Variants in CCDC50 observed in about 807,000 individuals in gnomAD.
CCDC50 encodes the protein coiled-coil domain-containing protein 50.
Under a neutral mutation model 70.2 loss-of-function variants are expected in CCDC50, and 54 were observed. The ratio of observed to expected loss-of-function variants is 0.77; its 90% CI spans 0.62 to 0.96. The LOEUF is 0.96. CCDC50 is among the 50% of genes least tolerant of loss of function. CCDC50 has a pLI of 0.00. For missense variants in CCDC50, 558 were observed against 578.7 expected, an observed-to-expected ratio of 0.96 and a Z score of 0.37; for synonymous variants, 216 against 198.8, an observed-to-expected ratio of 1.09 and a Z score of -0.73.
chr3:191,369,920 A>G lies in CCDC50; in HGVS notation c.332A>G (p.Asp111Gly), dbSNP rs767862672. 1.2e-6 allele frequency: 2 copies of G among 1,607,192 alleles called. No homozygotes were observed. Among genetic ancestry groups the G allele is most frequent in the Non-Finnish European group, 1.7e-6 (2 of 1,174,178 alleles). ...RRRIQEKKDEDIARLLQEKEL... is the reference protein window; with the variant it reads ...RRRIQEKKDEGIARLLQEKEL... ...TCCATTCTCCTCTTGTCTTTGCAGG[A>G]CATAGCTCGCCTTTTGCAAGAAAAG... The change falls in exon 5 of 12, where the codon GAC (aspartate) becomes GGC (glycine). Residue 111 changes from aspartate to glycine, a missense_variant and splice_region_variant. Physicochemically the swap from Asp to Gly is moderately conservative, Grantham distance 94 (BLOSUM62 -1). Transcript: ENST00000392455.
Position 191,389,661 on chromosome 3 carries a change from TGTA to T in CCDC50, c.1429+62_1429+64del, listed in dbSNP as rs530176815. 193 of 1,295,890 alleles carry T rather than the reference TGTA, an allele frequency of 1.5e-4. 1 individual carries two copies. The African/African-American group carries it at 2.3e-3, about 15-fold the overall frequency. 80.3% of individuals were successfully genotyped at this position (1,295,890 alleles called of 1,614,324 possible). A position where few individuals can be genotyped will look rare whatever the true frequency, so the allele number is the denominator to read the frequency against. On this transcript the variant is annotated intron_variant, in intron 11 of 11. Coordinates refer to ENST00000392455, the MANE Select transcript of CCDC50 (RefSeq NM_178335.3). ...TTCTTTTTTTATATAAGCCTCGTGTTGTAGTGGAAAAATCAAATTCTGTGTTCC... is the reference window on the plus strand; with the variant it reads ...TTCTTTTTTTATATAAGCCTCGTGTTGTGGAAAAATCAAATTCTGTGTTCC...
intron 4 of CCDC50, among the ~76,000 whole-genome samples, chr3:191,369,240 C>T (rs1056308565): frequency 5.3e-5 from 8 of 151,966 alleles, no homozygotes; most frequent in Non-Finnish European, 1.0e-4. Context: ...TTTGTACTCC[C>T]GTGGAAATTT....
chr3:191,356,803 C>T (rs1712299580), intron 1 of CCDC50, among the ~76,000 whole-genome samples: 1 of 152,186 alleles, frequency 6.6e-6, no homozygotes, highest in Non-Finnish European at 1.5e-5. Context: ...AATTTCTAGA[C>T]CTCTGGAATC....
chr3:191,349,096 G>A (rs537226500), intron 1 of CCDC50, among the ~76,000 whole-genome samples: 2 of 141,294 alleles, frequency 1.4e-5, no homozygotes, highest in Non-Finnish European at 3.2e-5. Context: ...GGGGGTGGAG[G>A]AGGGGGTTGG....
In CCDC50 at chr3:191,358,425, G is replaced by A. The variant is rs115052974; in HGVS notation, c.239+301G>A. ...TTTATTTTCCTTACCCATAACATGC[G>A]GATAATAATCTCTGTCCCCTCTGCC... On this transcript the variant is annotated intron_variant, in intron 3 of 11. Coordinates refer to ENST00000392455, the MANE Select transcript of CCDC50 (RefSeq NM_178335.3). 0.016 allele frequency among the ~76,000 whole-genome samples: 2,498 copies of A among 152,204 alleles called. 26 individuals are homozygous for A. Among genetic ancestry groups the A allele is most frequent in the Non-Finnish European group, 0.02 (1,372 of 68,020 alleles).
Position 191,348,089 on chromosome 3 carries a change from G to C in CCDC50, c.50-8999G>C, listed in dbSNP as rs115264023. Among the ~76,000 whole-genome samples the C allele has an allele frequency of 3.5e-5, 5 of 142,132 alleles. 1 individual carries two copies. The highest frequency in any genetic ancestry group is 1.4e-4 in the Admixed American group (2 of 13,928). 93.2% of individuals were successfully genotyped at this position (142,132 alleles called of 152,430 possible). A position where few individuals can be genotyped will look rare whatever the true frequency, so the allele number is the denominator to read the frequency against. On this transcript the variant is annotated intron_variant, in intron 1 of 11. Coordinates refer to ENST00000392455, the MANE Select transcript of CCDC50 (RefSeq NM_178335.3). ...GCTACAGTTCTATCCTGTAAACTACGTGCTATGAAAGCACTGAAAGAAAAT... is the reference window on the plus strand; with the variant it reads ...GCTACAGTTCTATCCTGTAAACTACCTGCTATGAAAGCACTGAAAGAAAAT...
intron 9 of CCDC50, among the ~76,000 whole-genome samples, chr3:191,381,704 G>A (rs1713326860): frequency 6.6e-6 from 1 of 152,094 alleles, no homozygotes; most frequent in South Asian, 2.1e-4. Flanking sequence ...AAGAGCAGAG[G>A]AATAGGGAGA....
At chr3:191,332,524 T>C (rs1049544813) in intron 1 of CCDC50, among the ~76,000 whole-genome samples, 3 of 152,218 alleles carry the variant, frequency 2.0e-5, no homozygotes, top group African/African-American at 7.2e-5. Flanking sequence ...TTCTGAAACA[T>C]TTGAGGTTCT....
At chr3:191,388,410 C>A (rs1282734043) in intron 10 of CCDC50, among the ~76,000 whole-genome samples, 2 of 152,154 alleles carry the variant, frequency 1.3e-5, no homozygotes, top group African/African-American at 4.8e-5. Context: ...TTATTTACCT[C>A]ATCTAACCTA....
In CCDC50 at chr3:191,396,762, C is replaced by T. The variant is rs1713873371; in HGVS notation, c.*5002C>T. On this transcript the variant is annotated 3_prime_UTR_variant, in exon 12 of 12. Transcript: ENST00000392455. ...TACTTATAAGAGAAAAGCAGGAAAA[C>T]TTTTGCTTTGATAAGAAAGACACCA... 6.6e-6 allele frequency: 1 copy of T among 152,128 alleles called. No individual in the cohort carries two copies. Among genetic ancestry groups the T allele is most frequent in the Non-Finnish European group, 1.5e-5 (1 of 67,990 alleles). 9.4% of individuals were successfully genotyped at this position (152,128 alleles called of 1,614,324 possible).
intron 6 of CCDC50, among the ~76,000 whole-genome samples, chr3:191,378,954 A>T (rs1450179022): frequency 1.3e-5 from 2 of 152,094 alleles, no homozygotes; most frequent in Admixed American, 1.3e-4. Flanking sequence ...CGCAGAAGCC[A>T]GGTTGAAAGT....
intron 11 of CCDC50, among the ~76,000 whole-genome samples, chr3:191,390,682 C>T (rs542585526): frequency 3.0e-4 from 46 of 152,232 alleles, no homozygotes; most frequent in African/African-American, 1.1e-3. Context: ...GCAGTGAGGA[C>T]AACCAGAGTT....
At chr3:191,367,779 G>A (rs777814460) in intron 4 of CCDC50, among the ~76,000 whole-genome samples, 3 of 152,042 alleles carry the variant, frequency 2.0e-5, no homozygotes, top group Non-Finnish European at 4.4e-5. Flanking sequence ...AGCAAACCAC[G>A]TAGGAAAATA....
intron 1 of CCDC50, among the ~76,000 whole-genome samples, chr3:191,348,016 A>G (rs1427093500): frequency 7.0e-6 from 1 of 142,670 alleles, no homozygotes; most frequent in Admixed American, 7.1e-5. Flanking sequence ...AGGATCTAGA[A>G]TATATGCTGG....
chr3:191,331,884 A>C (rs556871999), intron 1 of CCDC50, among the ~76,000 whole-genome samples: 1 of 152,190 alleles, frequency 6.6e-6, no homozygotes, highest in African/African-American at 2.4e-5. Flanking sequence ...TGAAACTCCA[A>C]CTTCATTTGA....
intron 5 of CCDC50, among the ~76,000 whole-genome samples, chr3:191,372,997 T>C (rs1458364509): frequency 6.6e-6 from 1 of 152,106 alleles, no homozygotes; most frequent in Admixed American, 6.6e-5. Context: ...GTTATATGTG[T>C]ATAATGTAAT....
intron 4 of CCDC50, 26 bp from the exon 5 acceptor site, chr3:191,369,893 T>G: frequency 6.5e-6 from 10 of 1,534,340 alleles, no homozygotes; most frequent in Non-Finnish European, 9.0e-6. Context: ...GTAATGTGTA[T>G]TTCCATTCTC....
At position 191,396,650 on chromosome 3, in the gene CCDC50, AG is replaced by A. The variant is rs1029219280; in HGVS notation, c.*4893del. The A allele has an allele frequency of 6.6e-6, 1 of 152,204 alleles. No homozygotes were observed. Among genetic ancestry groups the A allele is most frequent in the African/African-American group, 2.4e-5 (1 of 41,462 alleles). 9.4% of individuals were successfully genotyped at this position (152,204 alleles called of 1,614,324 possible). ...TGTATTGAAATGCTTAACCATTAACAGGGAAAAAAAAGGAGAAAACCGAACA... is the reference window on the plus strand; with the variant it reads ...TGTATTGAAATGCTTAACCATTAACAGGAAAAAAAAGGAGAAAACCGAACA... On this transcript the variant is annotated 3_prime_UTR_variant, in exon 12 of 12. Transcript: ENST00000392455.
intron 1 of CCDC50, among the ~76,000 whole-genome samples, chr3:191,351,361 C>T (rs1328489783): frequency 1.4e-5 from 2 of 139,730 alleles, no homozygotes; most frequent in Admixed American, 7.3e-5. Flanking sequence ...ACATTCAAAT[C>T]AATGTTGATC....
Sources: gnomAD v4.1 joint callset for allele counts (sites outside exome capture counted in the v4.1 genomes callset) on GRCh38, gnomAD v4.1.1 for gene constraint, MANE v1.5 for transcripts, NCBI Gene and HGNC (gene_info 2026-07-23, HGNC 2026-07-21) for gene names.